ANO6: variants seen among roughly 807,000 people sequenced by gnomAD.
ANO6 encodes the protein anoctamin-6.
ANO6 carries 106 observed loss-of-function variants against 117.5 expected under a neutral mutation model. The ratio of observed to expected loss-of-function variants is 0.90; its 90% CI spans 0.77 to 1.06. The LOEUF is 1.06. Ranked by LOEUF, ANO6 falls within the 50% of genes least tolerant of loss-of-function variation. The probability of loss-of-function intolerance (pLI) is 0.00; values close to 1 mark genes in which losing one functional copy is unlikely to be tolerated. For missense variants in ANO6, 955 were observed against 1,121.1 expected (o/e 0.85, Z 2.12); for synonymous variants, 367 against 385.1 (o/e 0.95, Z 0.55).
At chr12:45,287,193 G>T (rs1190127931) in intron 1 of ANO6, among the ~76,000 whole-genome samples, 1 of 152,158 alleles carries the variant, frequency 6.6e-6, no homozygotes, top group Admixed American at 6.5e-5. Context: ...GAATTTCAGG[G>T]ACAACCTCTC....
At chr12:45,388,419 TCACTACATA>T (rs1942358410) in intron 11 of ANO6, 116 bp downstream of exon 11, 25 of 1,301,744 alleles carry the variant, frequency 1.9e-5, no homozygotes, top group Admixed American at 8.7e-5. Flanking sequence ...CTGAGTTCCA[TCACTACATA>T]CTCTGGTACT....
chr12:45,225,006 C>A (rs1273969660), intron 1 of ANO6, among the ~76,000 whole-genome samples: 1 of 152,020 alleles, frequency 6.6e-6, no homozygotes, highest in Non-Finnish European at 1.5e-5. Flanking sequence ...GCCTGGGAAA[C>A]ATACTAAGAC....
chr12:45,266,946 T>C (rs1160678241), intron 1 of ANO6, among the ~76,000 whole-genome samples: 1 of 152,006 alleles, frequency 6.6e-6, no homozygotes, highest in East Asian at 1.9e-4. Flanking sequence ...GTGAACATGA[T>C]TTAGTCAGTA....
chr12:45,407,918 A>G (rs1213394685), intron 15 of ANO6, among the ~76,000 whole-genome samples: 1 of 152,156 alleles, frequency 6.6e-6, no homozygotes, highest in Non-Finnish European at 1.5e-5. Context: ...TCCACTTTCC[A>G]CAGCCTCCTG....
At chr12:45,276,037 A>T (rs1359441253) in intron 1 of ANO6, among the ~76,000 whole-genome samples, 3 of 151,940 alleles carry the variant, frequency 2.0e-5, no homozygotes, top group Non-Finnish European at 2.9e-5. Flanking sequence ...GGAACTCTTG[A>T]TTTGCTTCCA....
At chr12:45,396,113 C>T (rs963152629) in intron 12 of ANO6, among the ~76,000 whole-genome samples, 19 of 152,170 alleles carry the variant, frequency 1.2e-4, no homozygotes, top group African/African-American at 4.3e-4. Flanking sequence ...AGCCCAAAAT[C>T]TCCTTAAGCT....
At chr12:45,393,986 C>T (rs1199849412) in intron 12 of ANO6, among the ~76,000 whole-genome samples, 2 of 152,170 alleles carry the variant, frequency 1.3e-5, no homozygotes, top group Non-Finnish European at 2.9e-5. Flanking sequence ...ATCAAATTCA[C>T]ACATAACAAT....
intron 1 of ANO6, among the ~76,000 whole-genome samples, chr12:45,295,927 T>G (rs1185398196): frequency 1.3e-5 from 2 of 152,114 alleles, no homozygotes; most frequent in African/African-American, 2.4e-5. Flanking sequence ...AGTGGTGCGG[T>G]CTCAGCTCAC....
At chr12:45,385,305 C>T (rs1942268479) in intron 10 of ANO6, among the ~76,000 whole-genome samples, 1 of 152,038 alleles carries the variant, frequency 6.6e-6, no homozygotes, top group African/African-American at 2.4e-5. Context: ...TGAGAGAATG[C>T]ACATGACCGC....
chr12:45,283,984 A>G (rs899573531), intron 1 of ANO6, among the ~76,000 whole-genome samples: 1 of 152,250 alleles, frequency 6.6e-6, no homozygotes, highest in Non-Finnish European at 1.5e-5. Context: ...GCTGAAAATC[A>G]CTGACAAGAG....
rs375756884 is a variant in ANO6, at chr12:45,234,730, C to G, written c.70+18339C>G. 3.2e-4 allele frequency among the ~76,000 whole-genome samples: 49 copies of G among 151,560 alleles called. 1 individual carries two copies. In the East Asian group the frequency reaches 7.6e-3, roughly 23 times the overall value. On this transcript the variant is annotated intron_variant, in intron 1 of 19. Transcript: ENST00000320560. ...CAGCCTTGACAGAACCCCCCACCCCCACCCCTGGGCTTTTGATTCCCACTT... is the reference window on the plus strand; with the variant it reads ...CAGCCTTGACAGAACCCCCCACCCCGACCCCTGGGCTTTTGATTCCCACTT...
intron 1 of ANO6, among the ~76,000 whole-genome samples, chr12:45,231,635 C>T (rs1343475241): frequency 2.6e-5 from 4 of 152,222 alleles, no homozygotes; most frequent in African/African-American, 9.7e-5. Flanking sequence ...TTCTCGTTGT[C>T]CACTGGATTT....
chr12:45,218,390 CTTTTT>C (rs76855973), intron 1 of ANO6, among the ~76,000 whole-genome samples: 24 of 110,106 alleles, frequency 2.2e-4, no homozygotes, highest in African/African-American at 6.1e-4. Flanking sequence ...CTTTCTTTCT[CTTTTT>C]TTTTTTTTTT....
chr12:45,223,124 G>A (rs1947430617), intron 1 of ANO6, among the ~76,000 whole-genome samples: 1 of 152,184 alleles, frequency 6.6e-6, no homozygotes, highest in Non-Finnish European at 1.5e-5. Flanking sequence ...CTGGTAAACG[G>A]GAAGTGTTTC....
At chr12:45,357,197 C>A in intron 7 of ANO6, 93 bp from the exon 8 acceptor site, 1 of 1,428,348 alleles carries the variant, frequency 7.0e-7, no homozygotes, top group Non-Finnish European at 9.8e-7. Flanking sequence ...AAGCTTAAAG[C>A]CTCTCCTTTA....
At chr12:45,409,888 C>G (rs897266548) in intron 16 of ANO6, among the ~76,000 whole-genome samples, 2 of 151,994 alleles carry the variant, frequency 1.3e-5, no homozygotes, top group Admixed American at 1.3e-4. Context: ...CCTGAGTAGC[C>G]GGGATTACAG....
At chr12:45,239,498 GATTC>G (rs1947703334) in intron 1 of ANO6, among the ~76,000 whole-genome samples, 3 of 91,878 alleles carry the variant, frequency 3.3e-5, no homozygotes, top group Non-Finnish European at 6.6e-5. Context: ...CCAGCTCCTG[GATTC>G]ATTGATTTTT....
rs139538072 is a variant in ANO6, at chr12:45,438,284, T to C, written c.2527-1391T>C. Among the ~76,000 whole-genome samples, 1,397 of 152,244 alleles carry C rather than the reference T, an allele frequency of 9.2e-3. 20 individuals are homozygous for C. Among genetic ancestry groups the C allele is most frequent in the African/African-American group, 0.031 (1,287 of 41,544 alleles). ...GTGTGTGTGTGTGTGTGTATGTATG[T>C]GTGTGTAAGATATATATACACACAT... On this transcript the variant is annotated intron_variant, in intron 19 of 19. Transcript: ENST00000425752.
chr12:45,399,670 C>T (rs1183613888), intron 12 of ANO6, among the ~76,000 whole-genome samples: 1 of 152,068 alleles, frequency 6.6e-6, no homozygotes, highest in African/African-American at 2.4e-5. Flanking sequence ...CAGGTTGTAC[C>T]TCTGGAGCAC....
Sources: gnomAD v4.1 joint callset for allele counts (sites outside exome capture counted in the v4.1 genomes callset) on GRCh38, gnomAD v4.1.1 for gene constraint, MANE v1.5 for transcripts, NCBI Gene and HGNC (gene_info 2026-07-23, HGNC 2026-07-21) for gene names.